HP1BP3: variants seen among roughly 807,000 people sequenced by gnomAD.
HP1BP3 encodes the protein heterochromatin protein 1 binding protein 3.
HP1BP3 carries 12 observed loss-of-function variants against 62.5 expected under a neutral mutation model. That is an observed-to-expected ratio of 0.19 (90% confidence interval 0.12 to 0.31). The LOEUF is 0.31. HP1BP3 is among the 10% of genes least tolerant of loss of function. The pLI, the probability that HP1BP3 is intolerant of heterozygous loss-of-function variation, is 1.00. For missense variants in HP1BP3, 502 were observed against 651.8 expected (o/e 0.77, Z 2.50); for synonymous variants, 260 against 237.8 (o/e 1.09, Z -0.86).
intron 4 of HP1BP3, chr1:20,775,131 A>G (rs2057246345): frequency 2.0e-5 from 3 of 152,172 alleles, no homozygotes; most frequent in Non-Finnish European, 4.4e-5. Flanking sequence ...GTTAACTGTA[A>G]AACAGCCTCA....
chr1:20,779,512 G>T (rs2057449158), intron 3 of HP1BP3, among the ~76,000 whole-genome samples: 1 of 152,082 alleles, frequency 6.6e-6, no homozygotes, highest in African/African-American at 2.4e-5. Flanking sequence ...TGATCCCCAT[G>T]ACACTTTATG....
chr1:20,757,279 A>AT, intron 8 of HP1BP3, 23 bp from the exon 9 acceptor site: 1 of 1,425,286 alleles, frequency 7.0e-7, no homozygotes. Context: ...ACAAAAAAAA[A>AT]ATAGTGATAA....
intron 7 of HP1BP3, 36 bp downstream of exon 7, chr1:20,767,548 C>T: frequency 1.5e-6 from 2 of 1,316,536 alleles, no homozygotes; most frequent in Non-Finnish European, 2.2e-6. Flanking sequence ...GCAGTAACAG[C>T]TCCACAGCAC....
intron 11 of HP1BP3, among the ~76,000 whole-genome samples, chr1:20,747,028 A>G (rs2055383236): frequency 6.6e-6 from 1 of 152,206 alleles, no homozygotes; most frequent in South Asian, 2.1e-4. Context: ...AACAAAAACA[A>G]AAACTTATAC....
At chr1:20,750,710 C>G (rs969174249) in intron 9 of HP1BP3, among the ~76,000 whole-genome samples, 2 of 151,878 alleles carry the variant, frequency 1.3e-5, no homozygotes, top group South Asian at 4.1e-4. Context: ...GACAGCAAGA[C>G]CAACACCTCC....
chr1:20,747,717 C>T, intron 10 of HP1BP3, 62 bp from the exon 11 acceptor site: 1 of 967,378 alleles, frequency 1.0e-6, no homozygotes. Context: ...ATTCCCTCAA[C>T]CACAAACAGA....
intron 9 of HP1BP3, among the ~76,000 whole-genome samples, chr1:20,752,896 G>A (rs542616468): frequency 1.4e-4 from 21 of 152,022 alleles, no homozygotes; most frequent in African/African-American, 5.1e-4. Flanking sequence ...AAAAGCACTT[G>A]TGTAATTGTT....
intron 4 of HP1BP3, chr1:20,775,602 A>G (rs1321859671): frequency 5.8e-6 from 1 of 172,290 alleles, no homozygotes; most frequent in Non-Finnish European, 1.2e-5. Flanking sequence ...TCACTCACCC[A>G]AACAACTTCC....
In HP1BP3 at chr1:20,758,002, G is replaced by A. The variant is rs539281039; in HGVS notation, c.891-746C>T. Among the ~76,000 whole-genome samples the A allele has an allele frequency of 2.4e-4, 37 of 151,944 alleles. No homozygotes were observed. In the East Asian group the frequency reaches 5.5e-3, roughly 22 times the overall value. On this transcript the variant is annotated intron_variant, in intron 8 of 12. Transcript: ENST00000438032. ...CTACTAAAAATACAAAAAAATTAAC[G>A]GGGCGTGGTGTCAGGCAACTGTAGT...
In HP1BP3 at chr1:20,752,016, T is replaced by C. The variant is rs978908093; in HGVS notation, c.982-2134A>G. 3.9e-5 allele frequency among the ~76,000 whole-genome samples: 6 copies of C among 152,082 alleles called. No homozygotes were observed. In the South Asian group the frequency reaches 8.3e-4, roughly 21 times the overall value. On this transcript the variant is annotated intron_variant, in intron 9 of 12. Coordinates refer to ENST00000438032, the MANE Select transcript of HP1BP3 (RefSeq NM_001372052.1). The stretch of plus-strand genomic sequence containing the variant: ...GGCTCATGCCTGTAATCCCAGCACT[T>C]TGGGAGGCTGAGGCGGGTGGATCAG...
rs2055198371 is a variant in HP1BP3, at chr1:20,744,721, A to G, written c.*76T>C. The stretch of plus-strand genomic sequence containing the variant: ...AAATAATGTAATTTGAAAAGCATCA[A>G]AACTAAACAAATGCACACTGACCTT... On this transcript the variant is annotated 3_prime_UTR_variant, in exon 13 of 13. Coordinates refer to ENST00000438032, the MANE Select transcript of HP1BP3 (RefSeq NM_001372052.1). 4 of 1,338,420 alleles carry G rather than the reference A, an allele frequency of 3.0e-6. No individual in the cohort carries two copies. The Admixed American group carries it at 6.6e-5, about 22-fold the overall frequency. 82.9% of individuals were successfully genotyped at this position (1,338,420 alleles called of 1,614,324 possible).
intron 8 of HP1BP3, among the ~76,000 whole-genome samples, chr1:20,759,713 A>C (rs2154540256): frequency 6.6e-6 from 1 of 152,272 alleles, no homozygotes; most frequent in Non-Finnish European, 1.5e-5. Context: ...CATCAGACTA[A>C]AAACTTAAGG....
chr1:20,769,440 C>T (rs2056949122), intron 6 of HP1BP3, among the ~76,000 whole-genome samples: 2 of 152,072 alleles, frequency 1.3e-5, no homozygotes, highest in Admixed American at 6.6e-5. Context: ...CACCTATAGT[C>T]CCAGGTACTC....
chr1:20,767,513 T>A, intron 7 of HP1BP3, 71 bp downstream of exon 7: 4 of 988,240 alleles, frequency 4.0e-6, no homozygotes, highest in South Asian at 2.7e-5. Flanking sequence ...CAGCAAACAC[T>A]CAATGAATGT....
chr1:20,767,618 G>A lies in HP1BP3; in HGVS notation c.701C>T (p.Ser234Leu). Residue 234 changes from serine to leucine, a missense_variant, in exon 7 of 13, where the codon TCA becomes TTA. Around this residue, in one of 5 missense-constraint regions of HP1BP3, gnomAD observed 111 missense variants for 242.0 expected, o/e 0.46. Transcript: ENST00000438032. ...TCTGGATTTCTGAGGTGTTTTTCTT[G>A]ATTTCTGAACCACAACAAAACTTCC... Reference protein sequence around the residue: ...ASGSFVVVQKSRKTPQKSRNR... With the variant: ...ASGSFVVVQKLRKTPQKSRNR... 1 of 1,611,040 alleles carries A rather than the reference G, an allele frequency of 6.2e-7. No individual in the cohort carries two copies. Among genetic ancestry groups the A allele is most frequent in the Non-Finnish European group, 8.5e-7 (1 of 1,178,768 alleles).
chr1:20,781,039 T>C (rs982486298), intron 1 of HP1BP3, among the ~76,000 whole-genome samples: 5 of 152,146 alleles, frequency 3.3e-5, no homozygotes, highest in South Asian at 2.1e-4. Context: ...GACATTCTAA[T>C]AGCTTCCAGA....
At chr1:20,749,594 C>G (rs551442913) in intron 10 of HP1BP3, 129 bp downstream of exon 10, 1 of 824,652 alleles carries the variant, frequency 1.2e-6, no homozygotes, top group African/African-American at 1.7e-5. Context: ...CTCCCGACCT[C>G]GTGATCCACC....
chr1:20,762,342 A>C lies in HP1BP3; in HGVS notation c.890+3035T>G, dbSNP rs117652774. On this transcript the variant is annotated intron_variant, in intron 8 of 12. Coordinates refer to ENST00000438032, the MANE Select transcript of HP1BP3 (RefSeq NM_001372052.1). ...CCTAAGGTCATGACAATATGTTTCAAAAGAAGTGCAGCAAAGGCACACTGG... is the reference window on the plus strand; with the variant it reads ...CCTAAGGTCATGACAATATGTTTCACAAGAAGTGCAGCAAAGGCACACTGG... Among the ~76,000 whole-genome samples the C allele has an allele frequency of 4.5e-4, 69 of 152,296 alleles. No homozygotes were observed. In the East Asian group the frequency reaches 0.013, roughly 28 times the overall value.
chr1:20,747,231 C>T (rs1161034385), intron 11 of HP1BP3, among the ~76,000 whole-genome samples: 1 of 152,068 alleles, frequency 6.6e-6, no homozygotes, highest in Non-Finnish European at 1.5e-5. Context: ...TTGAACAACA[C>T]AGGTTGGCAA....
Sources: gnomAD v4.1 joint callset for allele counts (sites outside exome capture counted in the v4.1 genomes callset) on GRCh38, gnomAD v4.1.1 for gene constraint, gnomAD v4.1.1 regional missense constraint, MANE v1.5 for transcripts, NCBI Gene and HGNC (gene_info 2026-07-23, HGNC 2026-07-21) for gene names.